The following ERI1 variants were observed in gnomAD, a reference collection of about 807,000 sequenced individuals.
ERI1 encodes the protein exoribonuclease 1, also known as 3'-5' exoribonuclease 1.
Under a neutral mutation model 39.7 loss-of-function variants are expected in ERI1, and 39 were observed. The observed-to-expected ratio is 0.98, with a 90% CI of 0.76 to 1.28. ERI1 has a LOEUF of 1.28. Ranked by LOEUF, ERI1 falls within the 50% of genes most tolerant of loss-of-function variation. ERI1 has a pLI of 0.00. For missense variants in ERI1, 581 were observed against 416.9 expected, an observed-to-expected ratio of 1.39 and a Z score of -3.43; for synonymous variants, 204 against 149.6, an observed-to-expected ratio of 1.36 and a Z score of -2.65.
intron 3 of ERI1, among the ~76,000 whole-genome samples, chr8:9,066,579 C>G (rs1798885747): frequency 6.6e-6 from 1 of 152,152 alleles, no homozygotes; most frequent in African/African-American, 2.4e-5. Flanking sequence ...AGAAAGGAAT[C>G]AGATGCATGA....
downstream of ERI1, among the ~76,000 whole-genome samples, chr8:9,034,473 C>G (rs1043970767): frequency 1.3e-5 from 2 of 152,178 alleles, no homozygotes; most frequent in Non-Finnish European, 2.9e-5. Flanking sequence ...GTAATTCTCC[C>G]TATATTTCAA....
rs1585236204 is a variant in ERI1, at chr8:9,029,866, T to C, written c.882T>C (p.Cys294=). ...LGMDYDGRPH[C]GLDDSKNIAR... The stretch of plus-strand genomic sequence containing the variant: ...TGGATTATGATGGGCGGCCTCACTG[T>C]GGTCTTGATGACTCTAAGAATATCG... Residue 294 remains cysteine (C), a synonymous_variant, in exon 7 of 7, where the codon TGT becomes TGC. Transcript: ENST00000250263. 1 of 1,614,234 alleles carries C rather than the reference T, an allele frequency of 6.2e-7. No homozygotes were observed. Among genetic ancestry groups the C allele is most frequent in the Admixed American group, 1.7e-5 (1 of 60,028 alleles).
chr8:9,083,650 G>C (rs570882801), intron 3 of ERI1, among the ~76,000 whole-genome samples: 7 of 149,276 alleles, frequency 4.7e-5, no homozygotes, highest in Non-Finnish European at 7.4e-5. Flanking sequence ...AAAAAAAAGC[G>C]GGGGGGAAGA....
intron 3 of ERI1, among the ~76,000 whole-genome samples, chr8:9,063,045 T>A (rs2117403205): frequency 6.6e-6 from 1 of 152,358 alleles, no homozygotes; most frequent in African/African-American, 2.4e-5. Context: ...GCTACTTGGC[T>A]GCCTCTACTT....
At position 9,030,151 on chromosome 8, in the gene ERI1, T is replaced by A; in HGVS notation, c.*117T>A. ...AAGCACCTTAAAACATTTAAAATCT[T>A]ATTACAGGTGATAGAGATAGATACA... On this transcript the variant is annotated 3_prime_UTR_variant, in exon 7 of 7. Transcript: ENST00000250263. The A allele has an allele frequency of 7.6e-7, 1 of 1,321,428 alleles. No individual in the cohort carries two copies. The highest frequency in any genetic ancestry group is 1.0e-6 in the Non-Finnish European group (1 of 968,844). The allele number at this position is 1,321,428 out of a possible 1,614,324, so 81.9% of individuals were successfully genotyped here.
At chr8:9,041,592 TGAAA>T (rs1158988945) in intron 3 of ERI1, among the ~76,000 whole-genome samples, 3 of 152,180 alleles carry the variant, frequency 2.0e-5, no homozygotes, top group Non-Finnish European at 4.4e-5. Flanking sequence ...GATCAATGGG[TGAAA>T]GAAGAAATTA....
chr8:9,041,629 T>A (rs913520870), intron 3 of ERI1, among the ~76,000 whole-genome samples: 4 of 152,166 alleles, frequency 2.6e-5, no homozygotes, highest in African/African-American at 9.7e-5. Context: ...AAAACTTCCT[T>A]GAAACAAATG....
intron 3 of ERI1, among the ~76,000 whole-genome samples, chr8:9,062,089 ATTGTAAGGGGAG>A (rs923777161): frequency 6.6e-6 from 1 of 152,134 alleles, no homozygotes; most frequent in Non-Finnish European, 1.5e-5. Context: ...AAATGGGGGA[ATTGTAAGGGGAG>A]TTTATAGGCT....
At position 9,016,270 on chromosome 8, in the gene ERI1, C is replaced by T. The variant is rs201683452; in HGVS notation, c.499-52C>T. On this transcript the variant is annotated intron_variant, in intron 3 of 6. Transcript: ENST00000250263. The stretch of plus-strand genomic sequence containing the variant: ...GATGAATTCGTCGTGTATCATGTAT[C>T]GTGTATCTTAACTCATATAAATTAC... The T allele has an allele frequency of 4.0e-5, 45 of 1,136,274 alleles. No individual in the cohort carries two copies. In the East Asian group the frequency reaches 5.3e-4, roughly 13 times the overall value. 70.4% of individuals were successfully genotyped at this position (1,136,274 alleles called of 1,614,324 possible). A position where few individuals can be genotyped will look rare whatever the true frequency, so the allele number is the denominator to read the frequency against.
intron 3 of ERI1, among the ~76,000 whole-genome samples, chr8:9,057,444 C>A (rs567982312): frequency 1.2e-4 from 18 of 152,312 alleles, no homozygotes; most frequent in African/African-American, 4.3e-4. Context: ...CCTAGATGAC[C>A]CAGCACGTAG....
chr8:9,053,656 G>T (rs1205558833), intron 3 of ERI1, among the ~76,000 whole-genome samples: 1 of 152,226 alleles, frequency 6.6e-6, no homozygotes, highest in African/African-American at 2.4e-5. Context: ...AGGTAGAAGT[G>T]CAGGTAGCCT....
chr8:9,015,466 C>T (rs1241203675), intron 3 of ERI1, among the ~76,000 whole-genome samples: 1 of 152,024 alleles, frequency 6.6e-6, no homozygotes, highest in African/African-American at 2.4e-5. Context: ...ATACTGGCCT[C>T]ACTTAGTTTA....
intron 3 of ERI1, among the ~76,000 whole-genome samples, chr8:9,061,022 G>A (rs1310945623): frequency 2.0e-5 from 3 of 152,210 alleles, no homozygotes; most frequent in African/African-American, 4.8e-5. Context: ...AAATATTGAC[G>A]CGTAGTCCTT....
chr8:9,094,285 G>T (rs1799802801), intron 3 of ERI1, among the ~76,000 whole-genome samples: 1 of 152,196 alleles, frequency 6.6e-6, no homozygotes, highest in African/African-American at 2.4e-5. Context: ...AAGCAACCAG[G>T]AGAGTCTCCT....
Position 9,018,320 on chromosome 8 carries a change from C to G in ERI1, c.606C>G (p.Thr202=). The part of the protein sequence containing the change: ...ITQDQVDRAD[T]FPQVLKKVID... ...AGGATCAGGTAGACAGAGCTGATACCTTCCCTCAGGTACTAAAAAAAGTAA... is the reference window on the plus strand; with the variant it reads ...AGGATCAGGTAGACAGAGCTGATACGTTCCCTCAGGTACTAAAAAAAGTAA... Residue 202 remains threonine, a synonymous_variant, in exon 5 of 7, where the codon ACC becomes ACG. Coordinates refer to ENST00000250263, the MANE Select transcript of ERI1 (RefSeq NM_153332.4). 2.5e-6 allele frequency: 4 copies of G among 1,611,300 alleles called. No homozygotes were observed. Among genetic ancestry groups the G allele is most frequent in the Middle Eastern group, 3.3e-4 (2 of 6,048 alleles).
intron 3 of ERI1, among the ~76,000 whole-genome samples, chr8:9,070,777 T>G (rs961899158): frequency 2.6e-5 from 4 of 152,230 alleles, no homozygotes; most frequent in Non-Finnish European, 5.9e-5. Context: ...AGTAAAAATT[T>G]AAAAATAATT....
intron 6 of ERI1, among the ~76,000 whole-genome samples, chr8:9,022,545 G>A (rs960461671): frequency 2.0e-5 from 3 of 151,914 alleles, no homozygotes; most frequent in Admixed American, 6.6e-5. Flanking sequence ...GACTACGGGC[G>A]CCCACAACCA....
chr8:9,063,057 A>G (rs1382887206), intron 3 of ERI1, among the ~76,000 whole-genome samples: 1 of 152,184 alleles, frequency 6.6e-6, no homozygotes, highest in Non-Finnish European at 1.5e-5. Flanking sequence ...CCTCTACTTT[A>G]TTATTGTACA....
At chr8:9,003,758 A>G (rs1815636477) in intron 1 of ERI1, among the ~76,000 whole-genome samples, 1 of 152,212 alleles carries the variant, frequency 6.6e-6, no homozygotes, top group East Asian at 1.9e-4. Context: ...CAGTCTTAAA[A>G]CTTATTTAAC....
Sources: allele counts gnomAD v4.1 joint callset (sites outside exome capture counted in the v4.1 genomes callset), GRCh38; gene constraint gnomAD v4.1.1; transcripts MANE v1.5; gene names NCBI Gene and HGNC (gene_info 2026-07-23, HGNC 2026-07-21).